ADGRG4: variants seen among roughly 807,000 people sequenced by gnomAD.
ADGRG4 encodes the protein adhesion G protein-coupled receptor G4, also known as G protein-coupled receptor 112.
In ADGRG4, 122 loss-of-function variants were observed where a neutral mutation model predicts 126.2. The ratio of observed to expected loss-of-function variants is 0.97; its 90% CI spans 0.83 to 1.12. The LOEUF (loss-of-function observed/expected upper bound fraction) is 1.12, where lower values mean the gene tolerates loss of function less well. ADGRG4 is among the 50% of genes most tolerant of loss of function. The pLI is 0.00. For synonymous variants in ADGRG4, 943 were observed against 838.7 expected (o/e 1.12, Z -2.15); for missense variants, 2,481 against 2,251.8 (o/e 1.10, Z -2.06).
chrX:136,350,723 C>T (rs1224102155), intron 6 of ADGRG4, among the ~76,000 whole-genome samples: 5 of 111,838 alleles, frequency 4.5e-5, no homozygotes, highest in Non-Finnish European at 9.4e-5. Flanking sequence ...CTGTCTGACT[C>T]TGATTCTGCC....
intron 14 of ADGRG4, among the ~76,000 whole-genome samples, chrX:136,372,429 A>G (rs761235778): frequency 9.0e-6 from 1 of 111,551 alleles, no homozygotes; most frequent in Non-Finnish European, 1.9e-5. Flanking sequence ...TTGACCCTCT[A>G]TGGGTCATCT....
At chrX:136,311,388 A>G (rs1456684880) in intron 4 of ADGRG4, among the ~76,000 whole-genome samples, 1 of 88,454 alleles carries the variant, frequency 1.1e-5, no homozygotes, top group African/African-American at 4.8e-5. Flanking sequence ...TCTTGCTCAT[A>G]CCATGTACAC....
chrX:136,334,077 TTTCTTTCTTTC>T (rs1186419594), intron 5 of ADGRG4, among the ~76,000 whole-genome samples: 8 of 2,668 alleles, frequency 3.0e-3, no homozygotes, highest in African/African-American at 0.029. Flanking sequence ...GTTCTCTCTC[TTTCTTTCTTTC>T]TTTCTTTCTT....
In ADGRG4 at chrX:136,350,123, T is replaced by C. The variant is rs771569375; in HGVS notation, c.6417T>C (p.Thr2139=). ...TGTCACCTTCTACAACTGACCACAC[T>C]CTATCTGTTGGTGCCATGCCTCTGC... ...KTMSPSTTDH[T]LSVGAMPLPS... Residue 2139 remains threonine, a synonymous_variant, in exon 6 of 26, where the codon ACT becomes ACC. Coordinates refer to ENST00000394143, the MANE Select transcript of ADGRG4 (RefSeq NM_153834.4). 3.3e-6 allele frequency: 4 copies of C among 1,208,451 alleles called. No homozygotes were observed. The highest frequency in any genetic ancestry group is 4.5e-6 in the Non-Finnish European group (4 of 892,800).
At chrX:136,334,130 TTC>T (rs1407200292) in intron 5 of ADGRG4, among the ~76,000 whole-genome samples, 15 of 59,075 alleles carry the variant, frequency 2.5e-4, no homozygotes, top group African/African-American at 8.9e-4. Context: ...CTTTCTTTCT[TTC>T]TTTCTTTTTC....
chrX:136,339,700 T>C (rs565997161), intron 5 of ADGRG4, among the ~76,000 whole-genome samples: 1 of 112,485 alleles, frequency 8.9e-6, no homozygotes, highest in African/African-American at 3.2e-5. Context: ...CAGTTTGTTT[T>C]ATTCTTAGCA....
intron 5 of ADGRG4, among the ~76,000 whole-genome samples, chrX:136,329,227 G>A (rs2074893593): frequency 9.0e-6 from 1 of 111,473 alleles, no homozygotes; most frequent in Non-Finnish European, 1.9e-5. Context: ...GGGCTAGAAC[G>A]ACACATAGAT....
chrX:136,303,805 C>T (rs1488996445), intron 1 of ADGRG4, among the ~76,000 whole-genome samples: 2 of 111,155 alleles, frequency 1.8e-5, no homozygotes, highest in African/African-American at 6.5e-5. Flanking sequence ...CTATTCCCCA[C>T]CAATTGGCCT....
At chrX:136,393,676 C>G (rs1409755549) in intron 18 of ADGRG4, 96 bp downstream of exon 18, 24 of 569,220 alleles carry the variant, frequency 4.2e-5, no homozygotes, top group Admixed American at 2.8e-5. Context: ...ACTGTCTTAT[C>G]AGACCCTACA....
chrX:136,355,269 C>T (rs2075086626), intron 8 of ADGRG4, among the ~76,000 whole-genome samples: 1 of 110,320 alleles, frequency 9.1e-6, no homozygotes, highest in African/African-American at 3.3e-5. Flanking sequence ...ACATATAACA[C>T]ATCAGGCACC....
chrX:136,386,582 G>T (rs1191061379), intron 15 of ADGRG4, among the ~76,000 whole-genome samples: 1 of 111,922 alleles, frequency 8.9e-6, no homozygotes, highest in African/African-American at 3.3e-5. Context: ...ATATATCTTT[G>T]TTCACCCACA....
At chrX:136,304,007 G>A (rs182504402) in intron 1 of ADGRG4, 126 bp from the exon 2 acceptor site, 28 of 111,547 alleles carry the variant, frequency 2.5e-4, no homozygotes, top group African/African-American at 8.8e-4. Flanking sequence ...TCCAGGCATG[G>A]ATGGCTCATA....
At chrX:136,377,272 A>G (rs2075233585) in intron 15 of ADGRG4, among the ~76,000 whole-genome samples, 1 of 100,289 alleles carries the variant, frequency 1.0e-5, no homozygotes, top group African/African-American at 3.8e-5. Context: ...AGATCACTGC[A>G]GCCTTGACCT....
At chrX:136,342,921 T>TGTGTGTGTGAGAGA (rs1251871214) in intron 5 of ADGRG4, among the ~76,000 whole-genome samples, 4 of 84,308 alleles carry the variant, frequency 4.7e-5, no homozygotes, top group Admixed American at 1.4e-4. Context: ...TGTGTGTGTG[T>TGTGTGTGTGAGAGA]GAGAGAGAGA....
At chrX:136,391,427 C>A (rs2148492403) in intron 16 of ADGRG4, among the ~76,000 whole-genome samples, 1 of 111,969 alleles carries the variant, frequency 8.9e-6, no homozygotes, top group Non-Finnish European at 1.9e-5. Flanking sequence ...CCCCACTTCT[C>A]AAGAGATACA....
At position 136,344,434 on chromosome X, in the gene ADGRG4, T is replaced by C. The variant is rs2074997991; in HGVS notation, c.728T>C (p.Val243Ala). Residue 243 changes from valine (V) to alanine (A), a missense_variant, in exon 6 of 26, where the codon GTT becomes GCT. Coordinates refer to ENST00000394143, the MANE Select transcript of ADGRG4 (RefSeq NM_153834.4). ...NMTIQEKSTT[V>A]SQQIDMTTPS... ...ACAATTCAAGAAAAAAGTACAACTG[T>C]TTCACAACAGATAGATATGACCACT... is the stretch of plus-strand genomic sequence containing the variant. 2.5e-6 allele frequency: 3 copies of C among 1,182,579 alleles called. No individual in the cohort carries two copies. In the African/African-American group the frequency reaches 5.3e-5, roughly 21 times the overall value.
At chrX:136,378,164 G>A (rs1344952562) in intron 15 of ADGRG4, among the ~76,000 whole-genome samples, 2 of 110,837 alleles carry the variant, frequency 1.8e-5, no homozygotes, top group African/African-American at 6.5e-5. Flanking sequence ...TAGTTTAGGT[G>A]GGGAGATATT....
At chrX:136,328,333 G>A (rs1412295419) in intron 5 of ADGRG4, among the ~76,000 whole-genome samples, 3 of 111,822 alleles carry the variant, frequency 2.7e-5, no homozygotes, top group Non-Finnish European at 5.6e-5. Context: ...ATATCTTGAA[G>A]CAACCGTAAA....
At chrX:136,355,828 G>A (rs375628804) in intron 8 of ADGRG4, among the ~76,000 whole-genome samples, 32 of 112,102 alleles carry the variant, frequency 2.9e-4, no homozygotes, top group African/African-American at 1.0e-3. Flanking sequence ...CAATTATCTA[G>A]TGATGGACAC....
Sources: gnomAD v4.1 joint callset for allele counts (sites outside exome capture counted in the v4.1 genomes callset) on GRCh38, gnomAD v4.1.1 for gene constraint, MANE v1.5 for transcripts, NCBI Gene and HGNC (gene_info 2026-07-23, HGNC 2026-07-21) for gene names.